The following EVI5 variants were observed in gnomAD, a reference collection of about 807,000 sequenced individuals.
EVI5 encodes ecotropic viral integration site 5.
In EVI5, 73 loss-of-function variants were observed where a neutral mutation model predicts 112.0. The ratio of observed to expected loss-of-function variants is 0.65; its 90% CI spans 0.54 to 0.79. The LOEUF (loss-of-function observed/expected upper bound fraction) is 0.79, where lower values mean the gene tolerates loss of function less well. Ranked by LOEUF, EVI5 falls within the 30% of genes least tolerant of loss-of-function variation. EVI5 has a pLI of 0.00. For synonymous variants in EVI5, 305 were observed against 319.9 expected, an observed-to-expected ratio of 0.95 and a Z score of 0.50; for missense variants, 900 against 968.8, an observed-to-expected ratio of 0.93 and a Z score of 0.94.
intron 18 of EVI5, among the ~76,000 whole-genome samples, chr1:92,572,754 T>C (rs1324130314): frequency 2.0e-5 from 3 of 151,964 alleles, no homozygotes; most frequent in Non-Finnish European, 2.9e-5. Flanking sequence ...TTCGGGGGTG[T>C]TCAAATAGTG....
chr1:92,774,294 T>G (rs1391691434), intron 1 of EVI5, among the ~76,000 whole-genome samples: 1 of 152,170 alleles, frequency 6.6e-6, no homozygotes, highest in Non-Finnish European at 1.5e-5. Context: ...CTTCTACCTT[T>G]CTCATGTATT....
intron 13 of EVI5, among the ~76,000 whole-genome samples, chr1:92,657,095 A>G (rs918494378): frequency 4.6e-5 from 7 of 152,184 alleles, no homozygotes; most frequent in African/African-American, 2.4e-5. Flanking sequence ...CTACAGACCA[A>G]TATCTCTGAT....
At chr1:92,548,786 C>A (rs145341911) in intron 19 of EVI5, among the ~76,000 whole-genome samples, 129,472 of 152,038 alleles carry the variant, frequency 0.85, 55,499 homozygotes, top group East Asian at 0.97. Context: ...ATCCAACTTA[C>A]AAGGGATATG....
At chr1:92,622,239 T>C in intron 16 of EVI5, 1 of 365,002 alleles carries the variant, frequency 2.7e-6, no homozygotes, top group South Asian at 2.1e-5. Flanking sequence ...TTTAGTATTT[T>C]GATAACTGTA....
chr1:92,642,328 A>G (rs1231506455), intron 13 of EVI5, among the ~76,000 whole-genome samples: 1 of 152,234 alleles, frequency 6.6e-6, no homozygotes, highest in Non-Finnish European at 1.5e-5. Context: ...ATTTAAAAGG[A>G]AAATATAATC....
intron 18 of EVI5, among the ~76,000 whole-genome samples, chr1:92,567,092 G>A (rs1052009356): frequency 6.6e-6 from 1 of 152,100 alleles, no homozygotes; most frequent in African/African-American, 2.4e-5. Flanking sequence ...ATTTACAGGC[G>A]TGAGCCACCA....
chr1:92,572,575 T>C (rs978925283), intron 18 of EVI5, among the ~76,000 whole-genome samples: 10 of 152,106 alleles, frequency 6.6e-5, no homozygotes, highest in African/African-American at 2.4e-4. Flanking sequence ...TTTATCCCTT[T>C]AATATTTTAC....
intron 1 of EVI5, among the ~76,000 whole-genome samples, chr1:92,744,400 G>A (rs1678924821): frequency 6.6e-6 from 1 of 152,130 alleles, no homozygotes; most frequent in Non-Finnish European, 1.5e-5. Context: ...GAGAGGTGTT[G>A]AGGCATCCAA....
chr1:92,621,237 T>A (rs1212915303), intron 16 of EVI5, among the ~76,000 whole-genome samples: 1 of 152,156 alleles, frequency 6.6e-6, no homozygotes, highest in Non-Finnish European at 1.5e-5. Context: ...GTGACAGATA[T>A]CAATCCAAGT....
intron 10 of EVI5, among the ~76,000 whole-genome samples, chr1:92,668,674 C>T (rs1361389094): frequency 1.3e-5 from 2 of 152,094 alleles, no homozygotes; most frequent in Admixed American, 1.3e-4. Context: ...TGCTTAACAC[C>T]ATTTAAAAAA....
chr1:92,685,714 G>T (rs1276962683), intron 9 of EVI5, among the ~76,000 whole-genome samples: 9 of 151,968 alleles, frequency 5.9e-5, no homozygotes, highest in Non-Finnish European at 1.3e-4. Flanking sequence ...TGATAAAGGG[G>T]ATATCACCAC....
intron 1 of EVI5, chr1:92,755,915 C>G (rs2102956120): frequency 5.7e-6 from 1 of 176,280 alleles, no homozygotes; most frequent in Non-Finnish European, 1.3e-5. Flanking sequence ...CCAGTCCCCT[C>G]AACTGAGTCT....
chr1:92,613,387 C>T (rs1425401792), intron 16 of EVI5, among the ~76,000 whole-genome samples: 1 of 152,152 alleles, frequency 6.6e-6, no homozygotes, highest in Non-Finnish European at 1.5e-5. Flanking sequence ...CAACCTCTGC[C>T]TCCCAGGTTC....
At chr1:92,764,313 G>C (rs1445576431) in intron 1 of EVI5, among the ~76,000 whole-genome samples, 1 of 152,138 alleles carries the variant, frequency 6.6e-6, no homozygotes, top group Non-Finnish European at 1.5e-5. Context: ...TGTGTTATCT[G>C]ATCAAGACAT....
chr1:92,766,838 T>C (rs1682711288), intron 1 of EVI5, among the ~76,000 whole-genome samples: 1 of 152,142 alleles, frequency 6.6e-6, no homozygotes, highest in African/African-American at 2.4e-5. Context: ...TCCCAGCACT[T>C]TGGGAGGCCA....
At chr1:92,675,829 G>A (rs1476918874) in intron 10 of EVI5, among the ~76,000 whole-genome samples, 9 of 151,588 alleles carry the variant, frequency 5.9e-5, no homozygotes, top group Admixed American at 1.3e-4. Flanking sequence ...GGTGGCGGGC[G>A]CCTGTAGTCC....
intron 15 of EVI5, among the ~76,000 whole-genome samples, chr1:92,624,689 CAAAAAAAAAAAAAAAAAAAAA>C (rs141559165): frequency 1.2e-4 from 6 of 51,762 alleles, no homozygotes; most frequent in African/African-American, 1.6e-4. Context: ...GTCTCTACTT[CAAAAAAAAAAAAAAAAAAAAA>C]AAAAAAAAAA....
intron 1 of EVI5, among the ~76,000 whole-genome samples, chr1:92,775,784 G>A (rs888471234): frequency 6.6e-6 from 1 of 152,174 alleles, no homozygotes; most frequent in Non-Finnish European, 1.5e-5. Context: ...CAGTTGAGAA[G>A]CAGGCTTCTG....
intron 2 of EVI5, among the ~76,000 whole-genome samples, chr1:92,735,740 A>AAT (rs1393371558): frequency 7.0e-6 from 1 of 143,106 alleles, no homozygotes; most frequent in Non-Finnish European, 1.5e-5. Flanking sequence ...AATATAATAT[A>AAT]ATCATATTAA....
Sources: gnomAD v4.1 joint callset for allele counts (sites outside exome capture counted in the v4.1 genomes callset) on GRCh38, gnomAD v4.1.1 for gene constraint, MANE v1.5 for transcripts, NCBI Gene and HGNC (gene_info 2026-07-23, HGNC 2026-07-21) for gene names.